TMEM18: variants seen among roughly 807,000 people sequenced by gnomAD.
TMEM18 encodes the protein transmembrane protein 18.
Under a neutral mutation model 17.4 loss-of-function variants are expected in TMEM18, and 14 were observed. That is an observed-to-expected ratio of 0.80 (90% CI 0.53 to 1.25). TMEM18 has a LOEUF of 1.25. Ranked by LOEUF, TMEM18 falls within the 50% of genes most tolerant of loss-of-function variation. TMEM18 has a pLI of 0.00. For synonymous variants in TMEM18, 86 were observed against 66.1 expected (o/e 1.30, Z -1.46); for missense variants, 187 against 172.1 (o/e 1.09, Z -0.48).
intron 3 of TMEM18, 41 bp from the exon 4 acceptor site, chr2:669,891 A>C: frequency 1.3e-6 from 2 of 1,501,654 alleles, no homozygotes; most frequent in Non-Finnish European, 1.8e-6. Flanking sequence ...AGGCAATACA[A>C]CCAAAAAGTT....
intron 1 of TMEM18, 193 bp from the exon 2 acceptor site, chr2:675,823 G>C (rs1199758243): frequency 1.3e-6 from 2 of 1,528,382 alleles, no homozygotes; most frequent in African/African-American, 1.4e-5. Flanking sequence ...GAAGGAACCA[G>C]GAGGATGGAA....
chr2:668,488 T>C lies in TMEM18; in HGVS notation c.*1092A>G, dbSNP rs1678751412. 6.6e-6 allele frequency: 1 copy of C among 152,360 alleles called. No individual in the cohort carries two copies. The allele number at this position is 152,360 out of a possible 1,614,324, so 9.4% of individuals were successfully genotyped here. ...GGCTGGTGAGCTCTGCACCTCAACA[T>C]TCTCTTCCCAGGCTTGTCTAATCAA... On this transcript the variant is annotated 3_prime_UTR_variant, in exon 5 of 5. Transcript: ENST00000281017.
chr2:669,465 A>G lies in TMEM18; in HGVS notation c.*115T>C. The G allele has an allele frequency of 3.7e-6, 4 of 1,070,656 alleles. No individual in the cohort carries two copies. Among genetic ancestry groups the G allele is most frequent in the Non-Finnish European group, 5.6e-6 (4 of 718,330 alleles). 66.3% of individuals were successfully genotyped at this position (1,070,656 alleles called of 1,614,324 possible). ...ACCACTGTGGATATTTAAATAAAAC[A>G]ACGGTTTTTCAAACCATGAGTCAGC... On this transcript the variant is annotated 3_prime_UTR_variant, in exon 5 of 5. Transcript: ENST00000281017.
rs890433010 is a variant in TMEM18, at chr2:669,798, C to G, written c.286G>C (p.Val96Leu). Residue 96 changes from valine to leucine, a missense_variant, in exon 4 of 5, where the codon GTA (valine) becomes CTA (leucine). Physicochemically the swap from Val to Leu is conservative, Grantham distance 32. Coordinates refer to ENST00000281017, the MANE Select transcript of TMEM18 (RefSeq NM_152834.4). The part of the protein sequence containing the change: ...FDSRGMFISI[V>L]FSAPLLVNAM... ...TTCACCAGCAGTGGGGCTGAAAATA[C>G]TATAGAAATGAACATCCCCCTGGAG... is the stretch of plus-strand genomic sequence containing the variant. 33 of 1,613,844 alleles carry G rather than the reference C, an allele frequency of 2.0e-5. No homozygotes were observed. The highest frequency in any genetic ancestry group is 2.7e-5 in the Non-Finnish European group (32 of 1,180,018).
intron 1 of TMEM18, 152 bp from the exon 2 acceptor site, chr2:675,782 G>A: frequency 6.5e-7 from 1 of 1,533,158 alleles, no homozygotes; most frequent in Non-Finnish European, 8.7e-7. Context: ...GCATTGCCAG[G>A]CCTCAGAGAA....
chr2:675,996 TATG>T (rs1336750436), intron 1 of TMEM18: 4 of 1,307,662 alleles, frequency 3.1e-6, no homozygotes, highest in African/African-American at 3.0e-5. Context: ...GATAATTGGT[TATG>T]ATAATTGGTG....
At position 668,569 on chromosome 2, in the gene TMEM18, G is replaced by C. The variant is rs1023217237; in HGVS notation, c.*1011C>G. 6.6e-6 allele frequency: 1 copy of C among 152,198 alleles called. No homozygotes were observed. Among genetic ancestry groups the C allele is most frequent in the African/African-American group, 2.4e-5 (1 of 41,438 alleles). The allele number at this position is 152,198 out of a possible 1,614,324, so 9.4% of individuals were successfully genotyped here. On this transcript the variant is annotated 3_prime_UTR_variant, in exon 5 of 5. Coordinates refer to ENST00000281017, the MANE Select transcript of TMEM18 (RefSeq NM_152834.4). ...GTAACTTTCAGAAATGCACAATTAGGCATGCTATCCAGATACAATGCACAA... is the reference window on the plus strand; with the variant it reads ...GTAACTTTCAGAAATGCACAATTAGCCATGCTATCCAGATACAATGCACAA...
At chr2:669,982 A>C in intron 3 of TMEM18, 132 bp from the exon 4 acceptor site, 1 of 668,584 alleles carries the variant, frequency 1.5e-6, no homozygotes, top group Non-Finnish European at 2.6e-6. Flanking sequence ...CACTGGGCCC[A>C]CCCTTGGGAG....
intron 2 of TMEM18, 82 bp downstream of exon 2, chr2:675,428 T>C (rs1312302749): frequency 1.6e-5 from 26 of 1,591,220 alleles, no homozygotes; most frequent in Non-Finnish European, 2.2e-5. Flanking sequence ...AATATGTATA[T>C]ATTTCGAAGA....
In TMEM18 at chr2:675,630, G is replaced by A. The variant is rs1423463111; in HGVS notation, c.58C>T (p.Gln20Ter). The change falls in exon 2 of 5, where the codon CAG (glutamine) becomes TAG (stop). Residue 20 changes from glutamine (Q) to a stop codon, truncating the protein, a stop_gained and splice_region_variant. Transcript: ENST00000281017. LOFTEE classifies it high-confidence loss of function. ...AGCCAGGGCTCAGTCCAGTCCGTCT[G>A]CTGTAGGAACACACCAGCAGACACT... The part of the protein sequence containing the change: ...FPVSIPAVLT[Q>*]TDWTEPWLMG... 1 of 1,613,790 alleles carries A rather than the reference G, an allele frequency of 6.2e-7. No homozygotes were observed. Among genetic ancestry groups the A allele is most frequent in the Non-Finnish European group, 8.5e-7 (1 of 1,180,006 alleles).
Position 672,808 on chromosome 2 carries a change from C to A in TMEM18, c.233G>T (p.Arg78Ile). 6.8e-7 allele frequency: 1 copy of A among 1,472,258 alleles called. No individual in the cohort carries two copies. The highest frequency in any genetic ancestry group is 9.0e-7 in the Non-Finnish European group (1 of 1,115,206). 91.2% of individuals were successfully genotyped at this position (1,472,258 alleles called of 1,614,324 possible). A position where few individuals can be genotyped will look rare whatever the true frequency, so the allele number is the denominator to read the frequency against. The change falls in exon 3 of 5, where the codon AGA becomes ATA. Residue 78 changes from arginine (R) to isoleucine (I), a missense_variant and splice_region_variant. Coordinates refer to ENST00000281017, the MANE Select transcript of TMEM18 (RefSeq NM_152834.4). ...GTCACAGGCCCGGGGGTGGGCTCAC[C>A]TCCAGTTCATCGCAGCCGCCTCATT... The part of the protein sequence containing the change: ...YINEAAAMNW[R>I]LFSKYQYFDS...
At chr2:673,050 A>C (rs1678896774) in intron 2 of TMEM18, among the ~76,000 whole-genome samples, 188 bp from the exon 3 acceptor site, 1 of 152,242 alleles carries the variant, frequency 6.6e-6, no homozygotes, top group Non-Finnish European at 1.5e-5. Flanking sequence ...ATCAAGGCCA[A>C]CAGTGCTTCA....
intron 1 of TMEM18, chr2:676,590 C>G: frequency 6.4e-7 from 1 of 1,550,512 alleles, no homozygotes; most frequent in Non-Finnish European, 8.7e-7. Flanking sequence ...ACCAGAGGCA[C>G]GGAGGTGAGG....
chr2:668,219 C>T lies in TMEM18; in HGVS notation c.*1361G>A, dbSNP rs1247134379. ...CCATCACCTCCCATCAGGTCCCTCC[C>T]TTGACACATGGGGATTACAATTTGA... On this transcript the variant is annotated 3_prime_UTR_variant, in exon 5 of 5. Coordinates refer to ENST00000281017, the MANE Select transcript of TMEM18 (RefSeq NM_152834.4). The T allele has an allele frequency of 6.6e-6, 1 of 152,340 alleles. No homozygotes were observed. Among genetic ancestry groups the T allele is most frequent in the South Asian group, 2.1e-4 (1 of 4,830 alleles). 9.4% of individuals were successfully genotyped at this position (152,340 alleles called of 1,614,324 possible). A position where few individuals can be genotyped will look rare whatever the true frequency, so the allele number is the denominator to read the frequency against.
At chr2:674,626 C>T (rs1323553320) in intron 2 of TMEM18, among the ~76,000 whole-genome samples, 1 of 152,236 alleles carries the variant, frequency 6.6e-6, no homozygotes, top group Admixed American at 6.5e-5. Flanking sequence ...CTTGCATAGG[C>T]CCCCACTGTG....
In TMEM18 at chr2:672,861, G is replaced by T; in HGVS notation, c.180C>A (p.Val60=). The change falls in exon 3 of 5, where the codon GTC becomes GTA. Residue 60 remains valine (V), a splice_region_variant and synonymous_variant. Transcript: ENST00000281017. ...TGTATTCAGCACAGTAGACTAAGAT[G>T]ACTGAAAAAAGGTACAAGTCATATT... ...RLQIGHFLCL[V]ILVYCAEYIN... The T allele has an allele frequency of 6.6e-7, 1 of 1,508,854 alleles. No homozygotes were observed. Among genetic ancestry groups the T allele is most frequent in the South Asian group, 1.4e-5 (1 of 72,042 alleles). The allele number at this position is 1,508,854 out of a possible 1,614,324, so 93.5% of individuals were successfully genotyped here. A position where few individuals can be genotyped will look rare whatever the true frequency, so the allele number is the denominator to read the frequency against.
rs1271617834 is a variant in TMEM18 at position 666,328 on chromosome 2, GC to G, written c.*3251del. On this transcript the variant is annotated 3_prime_UTR_variant, in exon 5 of 5. Transcript: ENST00000281017. ...TCTCTGTCCTCAGGTTCCTTTCAGG[GC>G]CTGTGCCAGTCAGCGCCTCCCCTGG... is the stretch of plus-strand genomic sequence containing the variant. Among the ~76,000 whole-genome samples the G allele has an allele frequency of 6.6e-6, 1 of 152,172 alleles. No individual in the cohort carries two copies. The highest frequency in any genetic ancestry group is 6.5e-5 in the Admixed American group (1 of 15,284).
At position 664,302 on chromosome 2, in the gene TMEM18, T is replaced by C. The variant is rs1678618863; in HGVS notation, c.*5278A>G. ...AGGTGGAACCTCAGCTCTTCACAGT[T>C]CCTGATGATACATAAAGCAAAAAAC... is the stretch of plus-strand genomic sequence containing the variant. On this transcript the variant is annotated 3_prime_UTR_variant, in exon 5 of 5. Transcript: ENST00000281017. 6.6e-6 allele frequency among the ~76,000 whole-genome samples: 1 copy of C among 152,218 alleles called. No individual in the cohort carries two copies. The highest frequency in any genetic ancestry group is 1.5e-5 in the Non-Finnish European group (1 of 68,034).
chr2:675,867 T>C (rs1019006219), intron 1 of TMEM18: 4 of 1,498,372 alleles, frequency 2.7e-6, no homozygotes, highest in Non-Finnish European at 3.6e-6. Context: ...CTATAATTCA[T>C]GGAATTCAAA....
Sources: gnomAD v4.1 joint callset for allele counts (sites outside exome capture counted in the v4.1 genomes callset) on GRCh38, gnomAD v4.1.1 for gene constraint, MANE v1.5 for transcripts, NCBI Gene and HGNC (gene_info 2026-07-23, HGNC 2026-07-21) for gene names.